LRTM3: variants seen among roughly 807,000 people sequenced by gnomAD.
LRTM3 encodes leucine-rich repeat transmembrane protein 3.
the LRTM3 span, chr13:102,749,151 T>C: frequency 1.9e-6 from 3 of 1,550,724 alleles, no homozygotes; most frequent in Non-Finnish European, 2.6e-6. Context: ...AACTCATTCC[T>C]ATTTTTTAAA....
chr13:102,748,941 C>G, the LRTM3 span: 66 of 1,550,490 alleles, frequency 4.3e-5, no homozygotes, highest in Non-Finnish European at 4.9e-5. Flanking sequence ...TTGATTTTCT[C>G]TGTATCTGGT....
chr13:102,739,740 T>C, the LRTM3 span: 2 of 1,549,378 alleles, frequency 1.3e-6, no homozygotes. Flanking sequence ...TGTTTTGTAC[T>C]TTTAACATTA....
chr13:102,730,093 TCTATATTTC>T, the LRTM3 span: 32 of 1,550,814 alleles, frequency 2.1e-5, no homozygotes, highest in Non-Finnish European at 2.7e-5. Flanking sequence ...TGGAAGATGA[TCTATATTTC>T]CTGCTTTTGT....
chr13:102,730,554 G>C, the LRTM3 span: 10 of 1,551,828 alleles, frequency 6.4e-6, no homozygotes, highest in Admixed American at 9.8e-5. Flanking sequence ...GAAAGAACTT[G>C]AGTATCTTTC....
At chr13:102,747,018 C>A in the LRTM3 span, 1 of 1,551,204 alleles carries the variant, frequency 6.4e-7, no homozygotes. Context: ...ATCTCCTTCT[C>A]TAGATGTGCA....
the LRTM3 span, chr13:102,734,685 A>G: frequency 6.4e-7 from 1 of 1,551,102 alleles, no homozygotes; most frequent in East Asian, 2.4e-5. Context: ...CCTATGTGTG[A>G]TATTCTCCGC....
chr13:102,746,518 A>T, the LRTM3 span: 11 of 1,550,980 alleles, frequency 7.1e-6, no homozygotes, highest in African/African-American at 2.7e-5. Context: ...ACTTAGTCTT[A>T]AAGTCTAATT....
the LRTM3 span, chr13:102,736,404 A>G: frequency 1.3e-6 from 2 of 1,550,942 alleles, no homozygotes; most frequent in Admixed American, 3.9e-5. Flanking sequence ...CCATGCATGG[A>G]TACTGTTTGT....
the LRTM3 span, chr13:102,740,432 T>C: frequency 6.5e-7 from 1 of 1,550,222 alleles, no homozygotes; most frequent in South Asian, 1.2e-5. Context: ...TTCCTTTTCC[T>C]GAGGCATTAA....
chr13:102,748,731 T>G, the LRTM3 span: 6 of 1,549,868 alleles, frequency 3.9e-6, no homozygotes, highest in Non-Finnish European at 4.4e-6. Flanking sequence ...ATTGAGTCTT[T>G]AAGAGATTCT....
At chr13:102,747,532 C>T in the LRTM3 span, 1 of 1,550,866 alleles carries the variant, frequency 6.4e-7, no homozygotes, top group Non-Finnish European at 8.7e-7. Context: ...TGAAAGACCC[C>T]AGGGCAACTG....
chr13:102,733,366 T>C, the LRTM3 span: 3 of 1,551,344 alleles, frequency 1.9e-6, no homozygotes, highest in South Asian at 1.2e-5. Context: ...CAAATTTACA[T>C]GAACCTGCAA....
the LRTM3 span, among the ~76,000 whole-genome samples, chr13:102,752,345 C>T: frequency 6.3e-3 from 964 of 152,296 alleles, 4 homozygotes; most frequent in Non-Finnish European, 0.011. Flanking sequence ...TTATCCACCT[C>T]GTTCAGCATG....
chr13:102,754,455 AG>A, the LRTM3 span, among the ~76,000 whole-genome samples: 1 of 152,110 alleles, frequency 6.6e-6, no homozygotes, highest in South Asian at 2.1e-4. Context: ...TGCCTGACAC[AG>A]AGTAGGCAAT....
chr13:102,738,142 G>A, the LRTM3 span: 1 of 1,550,792 alleles, frequency 6.4e-7, no homozygotes, highest in East Asian at 2.4e-5. Flanking sequence ...TCAATGGTAG[G>A]TCCTGTGAAA....
the LRTM3 span, among the ~76,000 whole-genome samples, chr13:102,756,991 A>G: frequency 6.6e-6 from 1 of 152,054 alleles, no homozygotes; most frequent in African/African-American, 2.4e-5. Flanking sequence ...TTTTTTCTCC[A>G]TGTCTTCTTG....
At chr13:102,739,318 C>T in the LRTM3 span, 1 of 1,549,164 alleles carries the variant, frequency 6.5e-7, no homozygotes, top group Non-Finnish European at 8.7e-7. Context: ...CTCTATCTTC[C>T]TTCTTTTTCT....
At chr13:102,751,995 T>C in the LRTM3 span, among the ~76,000 whole-genome samples, 1 of 152,106 alleles carries the variant, frequency 6.6e-6, no homozygotes, top group Non-Finnish European at 1.5e-5. Context: ...GAACAGCCCT[T>C]TGGAAAGGCT....
At chr13:102,733,255 A>G in the LRTM3 span, 1 of 1,551,340 alleles carries the variant, frequency 6.4e-7, no homozygotes, top group South Asian at 1.2e-5. Context: ...TGGTGACGAT[A>G]CTTATTTTTT....
Sources: allele counts gnomAD v4.1 joint callset (sites outside exome capture counted in the v4.1 genomes callset), GRCh38; gene constraint gnomAD v4.1.1; transcripts MANE v1.5; gene names NCBI Gene and HGNC (gene_info 2026-07-23, HGNC 2026-07-21).